ARHGAP22: variants seen among roughly 807,000 people sequenced by gnomAD.
ARHGAP22 encodes rho GTPase-activating protein 22.
ARHGAP22 carries 48 observed loss-of-function variants against 59.1 expected under a neutral mutation model. The ratio of observed to expected loss-of-function variants is 0.81; its 90% CI spans 0.64 to 1.03. ARHGAP22 has a LOEUF of 1.03. Among genes scored for constraint, ARHGAP22 ranks in the 50% least tolerant of loss-of-function variants. ARHGAP22 has a pLI of 0.00. For synonymous variants in ARHGAP22, 445 were observed against 416.4 expected (o/e 1.07, Z -0.84); for missense variants, 1,015 against 958.7 (o/e 1.06, Z -0.78).
chr10:48,484,911 CT>C (rs1175843701), intron 3 of ARHGAP22, among the ~76,000 whole-genome samples: 3 of 152,204 alleles, frequency 2.0e-5, no homozygotes, highest in Non-Finnish European at 4.4e-5. Flanking sequence ...ACAAATCAGC[CT>C]TTTGCTTCAT....
intron 3 of ARHGAP22, among the ~76,000 whole-genome samples, chr10:48,513,944 T>A (rs1266290584): frequency 6.6e-6 from 1 of 151,966 alleles, no homozygotes; most frequent in Non-Finnish European, 1.5e-5. Context: ...AGAATGTCAA[T>A]AAAGAAATAA....
Position 48,455,062 on chromosome 10 carries a change from G to T in ARHGAP22, c.732C>A (p.Pro244=), listed in dbSNP as rs35021101. 307 of 1,612,470 alleles carry T rather than the reference G, an allele frequency of 1.9e-4. 1 individual carries two copies. In the African/African-American group the frequency reaches 3.8e-3, roughly 20 times the overall value. Residue 244 remains proline (P), a synonymous_variant, in exon 6 of 10, where the codon CCC becomes CCA. Coordinates refer to ENST00000249601, the MANE Select transcript of ARHGAP22 (RefSeq NM_021226.4). The part of the protein sequence containing the change: ...YLRELPEPVV[P]FARYEDFLSC... ...TGAGGAAGTCCTCGTACCTGGCGAA[G>T]GGGACCACGGGCTCGGGGAGCTCCC...
chr10:48,594,430 C>T lies in ARHGAP22; in HGVS notation c.34+10333G>A, dbSNP rs544229286. 1.4e-3 allele frequency among the ~76,000 whole-genome samples: 206 copies of T among 152,296 alleles called. 3 individuals carry two copies. Among genetic ancestry groups the T allele is most frequent in the Non-Finnish European group, 7.2e-4 (49 of 68,032 alleles). On this transcript the variant is annotated intron_variant, in intron 1 of 9. Transcript: ENST00000249601. ...GAGGGTGTGTGGATCACTCATGGGC[C>T]GAGCCCTGCACTGACAAGAGCACCT...
intron 4 of ARHGAP22, among the ~76,000 whole-genome samples, chr10:48,471,646 A>T (rs4838599): frequency 0.95 from 144,229 of 152,280 alleles, 68,703 homozygotes; most frequent in East Asian, 1. Flanking sequence ...GCCAGACACC[A>T]TGGAGTTAGC....
chr10:48,554,009 C>G (rs2057112265), intron 3 of ARHGAP22, among the ~76,000 whole-genome samples: 1 of 152,214 alleles, frequency 6.6e-6, no homozygotes, highest in Non-Finnish European at 1.5e-5. Flanking sequence ...TAGCTGAGGC[C>G]TTTTCTCCTG....
intron 4 of ARHGAP22, 32 bp downstream of exon 4, chr10:48,479,604 T>C (rs1450933363): frequency 1.9e-6 from 3 of 1,613,642 alleles, no homozygotes; most frequent in Non-Finnish European, 1.7e-6. Context: ...GCAAGGGTTC[T>C]AGAGGGTGGG....
At chr10:48,617,745 AG>A (rs1226183037) in intron 1 of ARHGAP22, among the ~76,000 whole-genome samples, 1 of 152,064 alleles carries the variant, frequency 6.6e-6, no homozygotes, top group Non-Finnish European at 1.5e-5. Flanking sequence ...AAAAGTAGAA[AG>A]ATTTCAAATA....
intron 3 of ARHGAP22, among the ~76,000 whole-genome samples, chr10:48,496,843 A>C (rs1304968874): frequency 6.6e-6 from 1 of 152,156 alleles, no homozygotes; most frequent in African/African-American, 2.4e-5. Context: ...GGTGCTGTGT[A>C]GTACACCTCT....
At chr10:48,635,151 A>G (rs2377523) in intron 1 of ARHGAP22, among the ~76,000 whole-genome samples, 86,003 of 151,772 alleles carry the variant, frequency 0.57, 24,950 homozygotes, top group African/African-American at 0.69. Flanking sequence ...CTTGGAGGCT[A>G]GGCTCCTTCT....
intron 3 of ARHGAP22, among the ~76,000 whole-genome samples, chr10:48,525,343 T>G (rs769981976): frequency 6.6e-5 from 10 of 152,192 alleles, no homozygotes; most frequent in African/African-American, 9.6e-5. Context: ...GAGGCCAAAG[T>G]AGGTGGATCA....
chr10:48,652,341 C>T, exon 1 of ARHGAP22: 1 of 1,432,118 alleles, frequency 7.0e-7, no homozygotes, highest in Non-Finnish European at 9.5e-7. Context: ...AAAGAACCAA[C>T]CACATCCTCA....
At position 48,455,058 on chromosome 10, in the gene ARHGAP22, C is replaced by T. The variant is rs763749142; in HGVS notation, c.736G>A (p.Ala246Thr). 12 of 1,612,190 alleles carry T rather than the reference C, an allele frequency of 7.4e-6. No individual in the cohort carries two copies. The highest frequency in any genetic ancestry group is 1.7e-4 in the Middle Eastern group (1 of 6,056). The change falls in exon 6 of 10, where the codon GCC (alanine) becomes ACC (threonine). Residue 246 changes from alanine to threonine, a missense_variant. Coordinates refer to ENST00000249601, the MANE Select transcript of ARHGAP22 (RefSeq NM_021226.4). ...RELPEPVVPFARYEDFLSCAQ... is the reference protein window; with the variant it reads ...RELPEPVVPFTRYEDFLSCAQ... ...CAGCTGAGGAAGTCCTCGTACCTGG[C>T]GAAGGGGACCACGGGCTCGGGGAGC... is the stretch of plus-strand genomic sequence containing the variant.
intron 8 of ARHGAP22, among the ~76,000 whole-genome samples, chr10:48,452,780 A>C (rs910751495): frequency 6.6e-6 from 1 of 152,182 alleles, no homozygotes; most frequent in African/African-American, 2.4e-5. Flanking sequence ...TTACCACAGC[A>C]CAGGCTGGTT....
chr10:48,519,699 G>A (rs1273729973), intron 3 of ARHGAP22, among the ~76,000 whole-genome samples: 7 of 152,232 alleles, frequency 4.6e-5, no homozygotes, highest in South Asian at 2.1e-4. Context: ...AGATGGATTC[G>A]GGCACAGGCC....
chr10:48,539,196 A>G (rs2055666795), intron 3 of ARHGAP22, among the ~76,000 whole-genome samples: 1 of 151,944 alleles, frequency 6.6e-6, no homozygotes, highest in African/African-American at 2.4e-5. Flanking sequence ...TCCAAATATT[A>G]TTAGAAGTTT....
In ARHGAP22 at chr10:48,533,942, G is replaced by C. The variant is rs560059897; in HGVS notation, c.322+21521C>G. On this transcript the variant is annotated intron_variant, in intron 3 of 9. Coordinates refer to ENST00000249601, the MANE Select transcript of ARHGAP22 (RefSeq NM_021226.4). Reference sequence around the variant, plus strand: ...GGTGACAGATTGTGGAAAAGCAGCTGTGAAAGCTGTCTGGGCAGTTTGGTT... The same window carrying C: ...GGTGACAGATTGTGGAAAAGCAGCTCTGAAAGCTGTCTGGGCAGTTTGGTT... Among the ~76,000 whole-genome samples the C allele has an allele frequency of 3.3e-5, 5 of 152,382 alleles. No homozygotes were observed. In the South Asian group the frequency reaches 1.0e-3, roughly 32 times the overall value.
intron 4 of ARHGAP22, among the ~76,000 whole-genome samples, chr10:48,477,830 G>GT (rs930648429): frequency 4.0e-4 from 61 of 152,272 alleles, no homozygotes; most frequent in African/African-American, 1.4e-3. Flanking sequence ...TGCCTTGTCT[G>GT]TTTTTGCCTC....
intron 1 of ARHGAP22, among the ~76,000 whole-genome samples, chr10:48,647,506 C>T (rs905641872): frequency 3.9e-5 from 6 of 152,110 alleles, no homozygotes; most frequent in African/African-American, 1.2e-4. Flanking sequence ...CAATAAAATA[C>T]CACTTTACAC....
chr10:48,581,210 C>G (rs2059099446), intron 2 of ARHGAP22, among the ~76,000 whole-genome samples: 1 of 152,200 alleles, frequency 6.6e-6, no homozygotes. Flanking sequence ...TGTATCATCC[C>G]TCAGAACTAA....
Sources: allele counts gnomAD v4.1 joint callset (sites outside exome capture counted in the v4.1 genomes callset), GRCh38; gene constraint gnomAD v4.1.1; transcripts MANE v1.5; gene names NCBI Gene and HGNC (gene_info 2026-07-23, HGNC 2026-07-21).